Variants in RAB3IP observed in about 807,000 individuals in gnomAD.
The protein encoded by RAB3IP is RAB3A interacting protein, also known as rab-3A-interacting protein.
RAB3IP carries 36 observed loss-of-function variants against 59.1 expected under a neutral mutation model. That is an observed-to-expected ratio of 0.61 (90% CI 0.47 to 0.80). The LOEUF (loss-of-function observed/expected upper bound fraction) is 0.80. RAB3IP is among the 30% of genes least tolerant of loss of function. RAB3IP has a pLI of 0.00. For missense variants in RAB3IP, 511 were observed against 536.0 expected, an observed-to-expected ratio of 0.95 and a Z score of 0.46; for synonymous variants, 207 against 191.2, an observed-to-expected ratio of 1.08 and a Z score of -0.68.
At chr12:69,761,722 G>A (rs4436584) in intron 3 of RAB3IP, among the ~76,000 whole-genome samples, 32,251 of 151,968 alleles carry the variant, frequency 0.21, 4,148 homozygotes, top group Middle Eastern at 0.35. Context: ...ATGTATATGC[G>A]GTTATACAAG....
rs1346268304 is a variant in RAB3IP, at chr12:69,755,387, A to G, written c.-22A>G. ...TCTGCTTTTTGTTTTAACATAGGTTATCTTATGATGAGGCTTTTGCTATGG... is the reference window on the plus strand; with the variant it reads ...TCTGCTTTTTGTTTTAACATAGGTTGTCTTATGATGAGGCTTTTGCTATGG... On this transcript the variant is annotated 5_prime_UTR_variant, in exon 2 of 11. Transcript: ENST00000247833. 1.2e-6 allele frequency: 2 copies of G among 1,612,532 alleles called. No individual in the cohort carries two copies. Among genetic ancestry groups the G allele is most frequent in the South Asian group, 1.1e-5 (1 of 90,900 alleles).
chr12:69,759,562 G>A lies in RAB3IP; in HGVS notation c.510+2899G>A, dbSNP rs372529967. The stretch of plus-strand genomic sequence containing the variant: ...TCCTCACTTCCCAGAAGGGGCGGCC[G>A]GGCAGAGGCGCCTCCGACCTCCCGG... On this transcript the variant is annotated intron_variant, in intron 3 of 10. Transcript: ENST00000247833. Among the ~76,000 whole-genome samples the A allele has an allele frequency of 1.1e-4, 17 of 152,052 alleles. No individual in the cohort carries two copies. The East Asian group carries it at 1.6e-3, about 14-fold the overall frequency.
In RAB3IP at chr12:69,821,941, C is replaced by T. The variant is rs1390655538; in HGVS notation, c.*6495C>T. Reference sequence around the variant, plus strand: ...TTCGGAACCCCAATTCTAACCTTAGCTTCTCAGGCCATTAAATGAAATCTC... The same window carrying T: ...TTCGGAACCCCAATTCTAACCTTAGTTTCTCAGGCCATTAAATGAAATCTC... On this transcript the variant is annotated 3_prime_UTR_variant, in exon 11 of 11. Transcript: ENST00000247833. 6.6e-6 allele frequency: 1 copy of T among 152,214 alleles called. No individual in the cohort carries two copies. Among genetic ancestry groups the T allele is most frequent in the Non-Finnish European group, 1.5e-5 (1 of 68,060 alleles). 9.4% of individuals were successfully genotyped at this position (152,214 alleles called of 1,614,324 possible).
rs1042549693 is a variant in RAB3IP, at chr12:69,822,874, T to C, written c.*7428T>C. The C allele has an allele frequency of 1.3e-5, 2 of 152,226 alleles. No individual in the cohort carries two copies. Among genetic ancestry groups the C allele is most frequent in the African/African-American group, 2.4e-5 (1 of 41,460 alleles). 9.4% of individuals were successfully genotyped at this position (152,226 alleles called of 1,614,324 possible). On this transcript the variant is annotated 3_prime_UTR_variant, in exon 11 of 11. Transcript: ENST00000247833. ...TATTTTCCTATCTCCTCTCGCACCA[T>C]ACTAGGCACACAATCTCTGTACCTG...
chr12:69,778,426 T>C lies in RAB3IP; in HGVS notation c.511-6294T>C, dbSNP rs1289550568. ...TTCTTCTCTCAGCTCGTCAAAATCA[T>C]TCTCCATCCAGCTTTGTTCTGTTGC... On this transcript the variant is annotated intron_variant, in intron 3 of 10. Coordinates refer to ENST00000247833, the MANE Select transcript of RAB3IP (RefSeq NM_022456.5). 3.1e-4 allele frequency among the ~76,000 whole-genome samples: 43 copies of C among 137,468 alleles called. No homozygotes were observed. In the East Asian group the frequency reaches 7.9e-3, roughly 25 times the overall value. 90.2% of individuals were successfully genotyped at this position (137,468 alleles called of 152,430 possible).
intron 8 of RAB3IP, among the ~76,000 whole-genome samples, chr12:69,802,048 T>G (rs61930181): frequency 0.11 from 16,078 of 149,742 alleles, 1,191 homozygotes; most frequent in Middle Eastern, 0.17. Flanking sequence ...CCAGGTAAAC[T>G]AGAGATAGAA....
At chr12:69,794,593 T>C in intron 5 of RAB3IP, 79 bp downstream of exon 5, 1 of 1,163,380 alleles carries the variant, frequency 8.6e-7, no homozygotes, top group Non-Finnish European at 1.2e-6. Context: ...CTGTTGGATT[T>C]TGTTCTGATC....
intron 8 of RAB3IP, 95 bp downstream of exon 8, chr12:69,801,816 T>C (rs1878432889): frequency 1.3e-6 from 1 of 752,454 alleles, no homozygotes; most frequent in Non-Finnish European, 2.2e-6. Context: ...AATGTAGTTA[T>C]ATTTCCCTCA....
intron 7 of RAB3IP, among the ~76,000 whole-genome samples, chr12:69,801,182 T>C (rs1350211931): frequency 6.6e-6 from 1 of 152,212 alleles, no homozygotes; most frequent in East Asian, 1.9e-4. Flanking sequence ...CTCACTCTTG[T>C]GCACATAAAT....
At chr12:69,757,229 C>T (rs910885283) in intron 3 of RAB3IP, among the ~76,000 whole-genome samples, 2 of 152,064 alleles carry the variant, frequency 1.3e-5, no homozygotes, top group Non-Finnish European at 1.5e-5. Context: ...GAATGAAATG[C>T]ATACATCAGA....
chr12:69,766,818 G>A (rs1872283667), intron 3 of RAB3IP, among the ~76,000 whole-genome samples: 1 of 152,296 alleles, frequency 6.6e-6, no homozygotes, highest in Admixed American at 6.5e-5. Flanking sequence ...GAGCCACCAT[G>A]CCCGGTGCAG....
At chr12:69,761,257 A>G (rs977548465) in intron 3 of RAB3IP, among the ~76,000 whole-genome samples, 3 of 152,162 alleles carry the variant, frequency 2.0e-5, no homozygotes, top group Non-Finnish European at 4.4e-5. Flanking sequence ...GATCTTTTTT[A>G]TACTTTGCTT....
chr12:69,752,227 A>C (rs896158709), intron 1 of RAB3IP, among the ~76,000 whole-genome samples: 11 of 149,686 alleles, frequency 7.3e-5, no homozygotes, highest in Non-Finnish European at 1.5e-5. Flanking sequence ...TAGTCTTTTA[A>C]CTCTTGGCCA....
At chr12:69,771,164 A>G (rs1227992884) in intron 3 of RAB3IP, among the ~76,000 whole-genome samples, 1 of 152,168 alleles carries the variant, frequency 6.6e-6, no homozygotes, top group Non-Finnish European at 1.5e-5. Flanking sequence ...AGGCTTACCC[A>G]TATTGTGACA....
chr12:69,804,291 T>A (rs1045580218), intron 8 of RAB3IP, among the ~76,000 whole-genome samples: 10 of 152,236 alleles, frequency 6.6e-5, no homozygotes, highest in Non-Finnish European at 1.2e-4. Flanking sequence ...GCTACATAAA[T>A]GTCTTCTTTT....
chr12:69,761,522 T>C (rs765516542), intron 3 of RAB3IP, among the ~76,000 whole-genome samples: 3 of 152,234 alleles, frequency 2.0e-5, no homozygotes, highest in Admixed American at 6.5e-5. Context: ...AAAGTTCTAC[T>C]TACTCATTTA....
At chr12:69,798,564 A>G (rs1877897449) in intron 6 of RAB3IP, among the ~76,000 whole-genome samples, 1 of 151,842 alleles carries the variant, frequency 6.6e-6, no homozygotes, top group African/African-American at 2.4e-5. Context: ...TTTTGTTGCC[A>G]TTGCTTTTGG....
At chr12:69,775,332 T>C (rs1873731125) in intron 3 of RAB3IP, among the ~76,000 whole-genome samples, 2 of 141,508 alleles carry the variant, frequency 1.4e-5, no homozygotes, top group South Asian at 4.9e-4. Context: ...TGGTGTTTTC[T>C]AGATAAACAA....
At chr12:69,813,539 C>T (rs1167142960) in intron 10 of RAB3IP, among the ~76,000 whole-genome samples, 3 of 152,060 alleles carry the variant, frequency 2.0e-5, no homozygotes, top group Non-Finnish European at 4.4e-5. Context: ...TCTAAATCAG[C>T]AGAAATGTGC....
Sources: gnomAD v4.1 joint callset for allele counts (sites outside exome capture counted in the v4.1 genomes callset) on GRCh38, gnomAD v4.1.1 for gene constraint, MANE v1.5 for transcripts, NCBI Gene and HGNC (gene_info 2026-07-23, HGNC 2026-07-21) for gene names.